The following TEPSIN variants were observed in gnomAD, a reference collection of about 807,000 sequenced individuals.
TEPSIN encodes AP-4 complex accessory subunit tepsin.
A neutral mutation model predicts 48.5 loss-of-function variants in TEPSIN; 50 were observed. The observed-to-expected ratio is 1.03, with a 90% CI of 0.82 to 1.31. The LOEUF is 1.31. Ranked by LOEUF, TEPSIN falls within the 50% of genes most tolerant of loss-of-function variation. The pLI is 0.00. For synonymous variants in TEPSIN, 392 were observed against 358.8 expected (o/e 1.09, Z -1.05); for missense variants, 838 against 815.9 (o/e 1.03, Z -0.33).
In TEPSIN at chr17:81,233,219, T is replaced by C. The variant is rs2062653995; in HGVS notation, c.526+213A>G. ...TTCTTGCTCGGCCTGGTTTCTCTCA[T>C]CTGTCCATAAAGCAGCCCTGGCCAC... On this transcript the variant is annotated intron_variant, in intron 7 of 12. Coordinates refer to ENST00000637944, the MANE Select transcript of TEPSIN (RefSeq NM_001363764.2). This position sits in a 1 kb window ranked among gnomAD's most constrained non-coding sequence, Gnocchi z 5.8. The C allele has an allele frequency of 5.0e-6, 3 of 604,362 alleles. No homozygotes were observed. Among genetic ancestry groups the C allele is most frequent in the South Asian group, 4.2e-5 (2 of 48,026 alleles). The allele number at this position is 604,362 out of a possible 1,614,324, so 37.4% of individuals were successfully genotyped here. A position where few individuals can be genotyped will look rare whatever the true frequency, so the allele number is the denominator to read the frequency against.
intron 1 of TEPSIN, chr17:81,238,007 C>T (rs1287596473): frequency 1.0e-6 from 1 of 996,590 alleles, no homozygotes; most frequent in African/African-American, 1.7e-5. Context: ...CTTACTGGCA[C>T]AAAGATGTAC....
At position 81,233,472 on chromosome 17, in the gene TEPSIN, G is replaced by A. The variant is rs1423534345; in HGVS notation, c.486C>T (p.Thr162=). ...CCTTGCTGTAGCCGAAACCCTGGAG[G>A]GTGCTGTGCGGCCTGGCCTGGGAGC... The part of the protein sequence containing the change: ...GMGSQARPHS[T]LQGFGYSKEH... The change falls in exon 7 of 13, where the codon ACC becomes ACT. Residue 162 remains threonine (T), a synonymous_variant. Coordinates refer to ENST00000637944, the MANE Select transcript of TEPSIN (RefSeq NM_001363764.2). This position sits in a 1 kb window ranked among gnomAD's most constrained non-coding sequence, Gnocchi z 5.8. The A allele has an allele frequency of 5.0e-6, 8 of 1,609,338 alleles. No homozygotes were observed. The African/African-American group carries it at 6.7e-5, about 13-fold the overall frequency.
rs2062636097 is a variant in TEPSIN, at chr17:81,232,466, C to G, written c.579G>C (p.Val193=). The G allele has an allele frequency of 6.5e-6, 10 of 1,535,390 alleles. No homozygotes were observed. The highest frequency in any genetic ancestry group is 8.7e-6 in the Non-Finnish European group (10 of 1,146,670). The change falls in exon 8 of 13, where the codon GTG becomes GTC. Residue 193 remains valine, a synonymous_variant. Transcript: ENST00000637944. ...LSTIQKAAEV[V]ASAMRPGPES... ...CGGGCCCGGGGCGCATGGCGCTGGC[C>G]ACCACCTCTGCGGCCTTCTGGATGG...
intron 8 of TEPSIN, 94 bp from the exon 9 acceptor site, chr17:81,232,115 T>C: frequency 6.8e-7 from 1 of 1,464,614 alleles, no homozygotes; most frequent in South Asian, 1.3e-5. Context: ...CCTCGGGGGC[T>C]GAGTCCTGAG....
Position 81,233,939 on chromosome 17 carries a change from G to T in TEPSIN, c.375+42C>A, listed in dbSNP as rs969263442. 15 of 1,575,828 alleles carry T rather than the reference G, an allele frequency of 9.5e-6. No homozygotes were observed. The highest frequency in any genetic ancestry group is 1.4e-5 in the African/African-American group (1 of 72,876). ...TGGCCCCAATCCCACCCCTCTACAGGAGGAGGGGCACCCCGCAGAGCGACA... is the reference window on the plus strand; with the variant it reads ...TGGCCCCAATCCCACCCCTCTACAGTAGGAGGGGCACCCCGCAGAGCGACA... On this transcript the variant is annotated intron_variant, in intron 5 of 12. Coordinates refer to ENST00000637944, the MANE Select transcript of TEPSIN (RefSeq NM_001363764.2). The surrounding 1 kb of genome is among the most constrained non-coding windows in gnomAD (Gnocchi z 5.8).
chr17:81,230,400 C>G lies in TEPSIN; in HGVS notation c.1233+144G>C, dbSNP rs1487582203. On this transcript the variant is annotated intron_variant, in intron 12 of 12. Coordinates refer to ENST00000637944, the MANE Select transcript of TEPSIN (RefSeq NM_001363764.2). This position sits in a 1 kb window ranked among gnomAD's most constrained non-coding sequence, Gnocchi z 4.2. Reference sequence around the variant, plus strand: ...GAGGACCCTGACTTGCTGCTGCTCCCTCTGCCAGCGGGACAGGGACTTGAG... The same window carrying G: ...GAGGACCCTGACTTGCTGCTGCTCCGTCTGCCAGCGGGACAGGGACTTGAG... The G allele has an allele frequency of 2.7e-5, 32 of 1,203,692 alleles. No homozygotes were observed. Among genetic ancestry groups the G allele is most frequent in the Non-Finnish European group, 3.6e-5 (32 of 878,730 alleles). The allele number at this position is 1,203,692 out of a possible 1,614,324, so 74.6% of individuals were successfully genotyped here.
chr17:81,237,958 G>A, intron 1 of TEPSIN: 3 of 1,005,554 alleles, frequency 3.0e-6, no homozygotes, highest in South Asian at 8.0e-5. Flanking sequence ...TGTGTTTTAC[G>A]TTCGCTTAGC....
rs1381421097 is a variant in TEPSIN at position 81,231,382 on chromosome 17, C to T, written c.1098+16G>A. ...ATGCACACAGTCACGCCCTCCCGCC[C>T]GCGTGTGCAGCTCACCAGCTGCGTG... On this transcript the variant is annotated intron_variant, in intron 11 of 12. Transcript: ENST00000637944. 1.6e-5 allele frequency: 24 copies of T among 1,534,192 alleles called. No individual in the cohort carries two copies. Among genetic ancestry groups the T allele is most frequent in the Non-Finnish European group, 2.0e-5 (23 of 1,139,316 alleles).
rs1276076378 is a variant in TEPSIN, at chr17:81,233,896, AC to A, written c.375+84del. On this transcript the variant is annotated intron_variant, in intron 5 of 12. Coordinates refer to ENST00000637944, the MANE Select transcript of TEPSIN (RefSeq NM_001363764.2). This position sits in a 1 kb window ranked among gnomAD's most constrained non-coding sequence, Gnocchi z 5.8. The stretch of plus-strand genomic sequence containing the variant: ...GGGGTCCCGGATGGGAGAACTGCAA[AC>A]CCCCCAGCTGACATCCTGGCCCCAA... 44 of 1,460,622 alleles carry A rather than the reference AC, an allele frequency of 3.0e-5. No individual in the cohort carries two copies. The highest frequency in any genetic ancestry group is 1.8e-5 in the Non-Finnish European group (20 of 1,089,090). 90.5% of individuals were successfully genotyped at this position (1,460,622 alleles called of 1,614,324 possible).
rs1367616339 is a variant in TEPSIN, at chr17:81,229,115, G to A, written c.1595C>T (p.Ala532Val). 4.3e-6 allele frequency: 7 copies of A among 1,613,376 alleles called. No homozygotes were observed. The highest frequency in any genetic ancestry group is 3.3e-5 in the Admixed American group (2 of 59,990). The change falls in exon 13 of 13, where the codon GCG becomes GTG. Residue 532 changes from alanine (A) to valine (V), a missense_variant. Coordinates refer to ENST00000637944, the MANE Select transcript of TEPSIN (RefSeq NM_001363764.2). ...DSPKRGPSSC[A>V]WSRDSLFAGM... ...AGCAAACAAGGAGTCGCGGCTCCAC[G>A]CACAGCTGCTGGGGCCTCTCTTTGG... is the stretch of plus-strand genomic sequence containing the variant.
intron 12 of TEPSIN, 92 bp from the exon 13 acceptor site, chr17:81,229,568 C>T: frequency 1.4e-6 from 2 of 1,393,802 alleles, no homozygotes; most frequent in Non-Finnish European, 9.8e-7. Flanking sequence ...CTCCTCAGTC[C>T]CTCCACCCAG....
At position 81,234,687 on chromosome 17, in the gene TEPSIN, C is replaced by T. The variant is rs576282859; in HGVS notation, c.308-639G>A. On this transcript the variant is annotated intron_variant, in intron 4 of 12. Coordinates refer to ENST00000637944, the MANE Select transcript of TEPSIN (RefSeq NM_001363764.2). This position sits in a 1 kb window ranked among gnomAD's most constrained non-coding sequence, Gnocchi z 5.4. ...TACCTCCACCCTGGCAGGCTGGTCCCGTGATTCGGAGACGATGCTCCTGGC... is the reference window on the plus strand; with the variant it reads ...TACCTCCACCCTGGCAGGCTGGTCCTGTGATTCGGAGACGATGCTCCTGGC... Among the ~76,000 whole-genome samples, 3 of 152,140 alleles carry T rather than the reference C, an allele frequency of 2.0e-5. No individual in the cohort carries two copies. The East Asian group carries it at 5.8e-4, about 29-fold the overall frequency.
rs1210859750 is a variant in TEPSIN, at chr17:81,230,887, C to T, written c.1099-209G>A. On this transcript the variant is annotated intron_variant, in intron 11 of 12. Transcript: ENST00000637944. This position sits in a 1 kb window ranked among gnomAD's most constrained non-coding sequence, Gnocchi z 4.2. ...AGCCCTGTCCTCACCACCTTACACC[C>T]CCGCTCCCAGACACCAGAGCCCTGT... 2 of 606,416 alleles carry T rather than the reference C, an allele frequency of 3.3e-6. No individual in the cohort carries two copies. The highest frequency in any genetic ancestry group is 5.4e-6 in the Non-Finnish European group (2 of 369,972). 37.6% of individuals were successfully genotyped at this position (606,416 alleles called of 1,614,324 possible). A position where few individuals can be genotyped will look rare whatever the true frequency, so the allele number is the denominator to read the frequency against.
chr17:81,230,699 C>A lies in TEPSIN; in HGVS notation c.1099-21G>T, dbSNP rs777746235. 6.6e-7 allele frequency: 1 copy of A among 1,509,166 alleles called. No homozygotes were observed. The highest frequency in any genetic ancestry group is 1.4e-5 in the African/African-American group (1 of 71,594). 93.5% of individuals were successfully genotyped at this position (1,509,166 alleles called of 1,614,324 possible). A position where few individuals can be genotyped will look rare whatever the true frequency, so the allele number is the denominator to read the frequency against. On this transcript the variant is annotated intron_variant, in intron 11 of 12. Transcript: ENST00000637944. This position sits in a 1 kb window ranked among gnomAD's most constrained non-coding sequence, Gnocchi z 4.2. The stretch of plus-strand genomic sequence containing the variant: ...GCCCTCTGCGGGTGAAGGGAGGGGA[C>A]ATCAGCACCCATGGGGCAGCAGGTC...
Position 81,233,934 on chromosome 17 carries a change from T to G in TEPSIN, c.375+47A>C. The G allele has an allele frequency of 6.4e-7, 1 of 1,564,220 alleles. No homozygotes were observed. Among genetic ancestry groups the G allele is most frequent in the Non-Finnish European group, 8.6e-7 (1 of 1,159,232 alleles). ...CATCCTGGCCCCAATCCCACCCCTCTACAGGAGGAGGGGCACCCCGCAGAG... is the reference window on the plus strand; with the variant it reads ...CATCCTGGCCCCAATCCCACCCCTCGACAGGAGGAGGGGCACCCCGCAGAG... On this transcript the variant is annotated intron_variant, in intron 5 of 12. Transcript: ENST00000637944. The surrounding 1 kb of genome is among the most constrained non-coding windows in gnomAD (Gnocchi z 5.8).
At chr17:81,235,776 AC>A (rs751036603) in intron 4 of TEPSIN, among the ~76,000 whole-genome samples, 1 of 152,024 alleles carries the variant, frequency 6.6e-6, no homozygotes, top group East Asian at 1.9e-4. Flanking sequence ...TGGCGAGAGC[AC>A]CCCCGCACTG....
chr17:81,236,902 G>C, intron 3 of TEPSIN, 78 bp downstream of exon 3: 1 of 1,531,760 alleles, frequency 6.5e-7, no homozygotes, highest in Non-Finnish European at 8.8e-7. Context: ...CTGCCACCCT[G>C]GGCCGCTCGT....
intron 1 of TEPSIN, 64 bp from the exon 2 acceptor site, chr17:81,237,523 C>T (rs750841545): frequency 2.6e-6 from 4 of 1,513,414 alleles, no homozygotes; most frequent in Non-Finnish European, 2.7e-6. Flanking sequence ...GAATCCGCAG[C>T]CCCCCAAAGG....
At chr17:81,229,569 C>G in intron 12 of TEPSIN, 93 bp from the exon 13 acceptor site, 1 of 1,390,224 alleles carries the variant, frequency 7.2e-7, no homozygotes, top group South Asian at 1.3e-5. Flanking sequence ...TCCTCAGTCC[C>G]TCCACCCAGA....
Sources: allele counts gnomAD v4.1 joint callset (sites outside exome capture counted in the v4.1 genomes callset), GRCh38; gene constraint gnomAD v4.1.1; non-coding constraint Gnocchi (gnomAD v3.1); transcripts MANE v1.5; gene names NCBI Gene and HGNC (gene_info 2026-07-23, HGNC 2026-07-21).